ZDHHC20: variants seen among roughly 807,000 people sequenced by gnomAD.
ZDHHC20 encodes the protein palmitoyltransferase ZDHHC20.
ZDHHC20 carries 43 observed loss-of-function variants against 57.8 expected under a neutral mutation model. The observed-to-expected ratio is 0.74, with a 90% CI of 0.58 to 0.96. ZDHHC20 has a LOEUF of 0.96. Ranked by LOEUF, ZDHHC20 falls within the 40% of genes least tolerant of loss-of-function variation. The pLI is 0.00. For missense variants in ZDHHC20, 391 were observed against 441.1 expected (o/e 0.89, Z 1.02); for synonymous variants, 157 against 153.0 (o/e 1.03, Z -0.19).
intron 4 of ZDHHC20, among the ~76,000 whole-genome samples, chr13:21,406,920 T>C (rs893554357): frequency 6.6e-6 from 1 of 152,146 alleles, no homozygotes; most frequent in Non-Finnish European, 1.5e-5. Flanking sequence ...CTGGGTCAAA[T>C]GGTATTTCTG....
chr13:21,428,961 T>C (rs1881610204), intron 1 of ZDHHC20, among the ~76,000 whole-genome samples: 1 of 152,214 alleles, frequency 6.6e-6, no homozygotes, highest in Non-Finnish European at 1.5e-5. Flanking sequence ...CATTTTTTTA[T>C]GTAAGAAATG....
At position 21,448,636 on chromosome 13, in the gene ZDHHC20, G is replaced by C. The variant is rs1373329003; in HGVS notation, c.118+10418C>G. ...GCCCGGCCGGCCGCCCCGTCCGGGA[G>C]GTGAGGGGCGCCTCTGCCCGGCTGC... On this transcript the variant is annotated intron_variant, in intron 1 of 12. Transcript: ENST00000400590. Among the ~76,000 whole-genome samples, 12 of 99,826 alleles carry C rather than the reference G, an allele frequency of 1.2e-4. 2 individuals are homozygous for C. Among genetic ancestry groups the C allele is most frequent in the African/African-American group, 3.7e-4 (12 of 32,584 alleles). 65.5% of individuals were successfully genotyped at this position (99,826 alleles called of 152,430 possible).
intron 1 of ZDHHC20, among the ~76,000 whole-genome samples, chr13:21,440,329 G>A (rs890719014): frequency 6.6e-6 from 1 of 151,986 alleles, no homozygotes; most frequent in Admixed American, 6.6e-5. Flanking sequence ...TTTAAGATAC[G>A]GCAGGTGCAG....
Position 21,459,257 on chromosome 13 carries a change from G to T in ZDHHC20, c.-86C>A. 9.3e-7 allele frequency: 1 copy of T among 1,072,964 alleles called. No individual in the cohort carries two copies. The highest frequency in any genetic ancestry group is 1.3e-6 in the Non-Finnish European group (1 of 763,096). The allele number at this position is 1,072,964 out of a possible 1,614,324, so 66.5% of individuals were successfully genotyped here. ...CGACGGTGACTCGGACGCTCCAGGC[G>T]GCTGCTGGTCCAGCTCCCCCGCCTC... On this transcript the variant is annotated 5_prime_UTR_variant, in exon 1 of 13. Transcript: ENST00000400590.
rs748627769 is a variant in ZDHHC20, at chr13:21,401,623, A to G, written c.473+30T>C. ...CTCTAAATTCTCTCTCTCACCACCA[A>G]TGCAATTTCTTCTGTTTTTTTATAC... On this transcript the variant is annotated intron_variant, in intron 6 of 12. Coordinates refer to ENST00000400590, the MANE Select transcript of ZDHHC20 (RefSeq NM_001330059.2). 6.5e-6 allele frequency: 10 copies of G among 1,528,828 alleles called. No individual in the cohort carries two copies. In the African/African-American group the frequency reaches 6.9e-5, roughly 11 times the overall value. 94.7% of individuals were successfully genotyped at this position (1,528,828 alleles called of 1,614,324 possible).
intron 3 of ZDHHC20, 111 bp downstream of exon 3, chr13:21,420,950 G>T: frequency 1.2e-6 from 1 of 807,408 alleles, no homozygotes; most frequent in South Asian, 1.6e-5. Flanking sequence ...GCAGTTTTAT[G>T]AATGGAAACA....
At chr13:21,408,495 T>A (rs1878762410) in intron 4 of ZDHHC20, among the ~76,000 whole-genome samples, 1 of 152,240 alleles carries the variant, frequency 6.6e-6, no homozygotes, top group Non-Finnish European at 1.5e-5. Flanking sequence ...AAGTTGCTTA[T>A]CAGCTTAAGG....
Position 21,387,529 on chromosome 13 carries a change from C to A in ZDHHC20, c.833G>T (p.Trp278Leu). Residue 278 changes from tryptophan to leucine, a missense_variant, in exon 9 of 13, where the codon TGG becomes TTG. Around this residue, in one of 3 missense-constraint regions of ZDHHC20, gnomAD observed 197 missense variants for 220.8 expected, o/e 0.89. Coordinates refer to ENST00000400590, the MANE Select transcript of ZDHHC20 (RefSeq NM_001330059.2). ...RQVFGDEKKY[W>L]LLPIFSSLGD... is the part of the protein sequence containing the mutation. ...TTACCTTGAAAATATTGGAAGTAGC[C>A]AATATTTCTTTTCATCACCAAAGAC... The A allele has an allele frequency of 6.5e-7, 1 of 1,534,834 alleles. No homozygotes were observed. The highest frequency in any genetic ancestry group is 8.8e-7 in the Non-Finnish European group (1 of 1,138,466).
At chr13:21,384,434 C>T (rs1874062549) in intron 9 of ZDHHC20, among the ~76,000 whole-genome samples, 1 of 120,894 alleles carries the variant, frequency 8.3e-6, no homozygotes, top group South Asian at 3.0e-4. Context: ...GCCTGCCTCA[C>T]TTTGAGACAG....
chr13:21,404,255 T>C (rs1390070196), intron 4 of ZDHHC20: 2 of 467,662 alleles, frequency 4.3e-6, no homozygotes, highest in Non-Finnish European at 8.6e-6. Flanking sequence ...TTCTGTTCTT[T>C]GTTTCCACTT....
intron 2 of ZDHHC20, among the ~76,000 whole-genome samples, chr13:21,424,080 A>G (rs541356870): frequency 6.6e-6 from 1 of 152,322 alleles, no homozygotes; most frequent in East Asian, 1.9e-4. Flanking sequence ...AAAAATAGAT[A>G]AAATAAAGCT....
intron 3 of ZDHHC20, among the ~76,000 whole-genome samples, chr13:21,414,580 C>T (rs897379236): frequency 1.5e-5 from 2 of 135,932 alleles, no homozygotes; most frequent in African/African-American, 5.3e-5. Context: ...ACCGTGTTAG[C>T]CAGGATGGTC....
At chr13:21,420,816 A>C (rs566671821) in intron 3 of ZDHHC20, among the ~76,000 whole-genome samples, 1 of 152,350 alleles carries the variant, frequency 6.6e-6, no homozygotes, top group African/African-American at 2.4e-5. Context: ...TATGTCTTTA[A>C]AGACACATAG....
intron 1 of ZDHHC20, among the ~76,000 whole-genome samples, chr13:21,444,163 T>G (rs1593275990): frequency 6.6e-6 from 1 of 152,038 alleles, no homozygotes; most frequent in South Asian, 2.1e-4. Flanking sequence ...CTCAAAAAAA[T>G]TAGTAAATAA....
chr13:21,446,029 T>C (rs548190524), intron 1 of ZDHHC20, among the ~76,000 whole-genome samples: 106 of 152,260 alleles, frequency 7.0e-4, no homozygotes, highest in African/African-American at 2.0e-3. Flanking sequence ...AAAAGAAAGG[T>C]GGCCTGTTGG....
chr13:21,412,539 C>A (rs1054491873), intron 4 of ZDHHC20, among the ~76,000 whole-genome samples: 1 of 152,008 alleles, frequency 6.6e-6, no homozygotes, highest in African/African-American at 2.4e-5. Context: ...AAGAGGAAAG[C>A]GTTTCAAGAA....
At chr13:21,382,330 T>C (rs1873566020) in intron 10 of ZDHHC20, among the ~76,000 whole-genome samples, 1 of 152,232 alleles carries the variant, frequency 6.6e-6, no homozygotes. Context: ...AACTTATTTC[T>C]GTAGTGAATA....
intron 1 of ZDHHC20, among the ~76,000 whole-genome samples, chr13:21,433,231 G>A (rs940849066): frequency 2.0e-5 from 3 of 152,198 alleles, no homozygotes; most frequent in Admixed American, 2.0e-4. Flanking sequence ...AAGTAGCTAG[G>A]ACTATAGGCC....
chr13:21,393,699 CAAAAAAAAAAAAAA>C (rs71093307), intron 7 of ZDHHC20, among the ~76,000 whole-genome samples: 6 of 63,392 alleles, frequency 9.5e-5, no homozygotes, highest in African/African-American at 3.8e-4. Context: ...GCAAGTCTCA[CAAAAAAAAAAAAAA>C]AAAAAAAAAA....
Sources: allele counts gnomAD v4.1 joint callset (sites outside exome capture counted in the v4.1 genomes callset), GRCh38; gene constraint gnomAD v4.1.1; regional missense constraint gnomAD v4.1.1; transcripts MANE v1.5; gene names NCBI Gene and HGNC (gene_info 2026-07-23, HGNC 2026-07-21).